Variants in PI4KA observed in about 807,000 individuals in gnomAD.
PI4KA encodes PI4-kinase alpha.
Under a neutral mutation model 271.4 loss-of-function variants are expected in PI4KA, and 122 were observed. That is an observed-to-expected ratio of 0.45 (90% CI 0.39 to 0.52). The LOEUF (loss-of-function observed/expected upper bound fraction) is 0.52, where lower values mean the gene tolerates loss of function less well. Ranked by LOEUF, PI4KA falls within the 20% of genes least tolerant of loss-of-function variation. The pLI is 0.00. For synonymous variants in PI4KA, 1,041 were observed against 1,078.8 expected, an observed-to-expected ratio of 0.96 and a Z score of 0.69; for missense variants, 1,969 against 2,769.1, an observed-to-expected ratio of 0.71 and a Z score of 6.48.
intron 2 of PI4KA, among the ~76,000 whole-genome samples, chr22:20,835,584 T>C (rs918627719): frequency 6.6e-6 from 1 of 151,986 alleles, no homozygotes; most frequent in Non-Finnish European, 1.5e-5. Context: ...ATACAAGTAT[T>C]AGCTGGGTGC....
intron 21 of PI4KA, 54 bp downstream of exon 21, chr22:20,765,046 G>T (rs1357208819): frequency 2.5e-5 from 39 of 1,585,590 alleles, no homozygotes; most frequent in Non-Finnish European, 3.4e-5. Context: ...ACAGTGAAAA[G>T]ATCTGCCCTA....
chr22:20,786,942 G>T, intron 19 of PI4KA: 1 of 1,614,130 alleles, frequency 6.2e-7, no homozygotes, highest in East Asian at 2.2e-5. Flanking sequence ...ACCACGGTGG[G>T]GTTCATGCCG....
intron 39 of PI4KA, among the ~76,000 whole-genome samples, chr22:20,728,494 T>A (rs190015007): frequency 1.3e-5 from 2 of 152,220 alleles, no homozygotes; most frequent in East Asian, 3.9e-4. Context: ...TACCATATCC[T>A]CTCCTGACTC....
At chr22:20,745,547 C>CA (rs1167307145) in intron 29 of PI4KA, among the ~76,000 whole-genome samples, 1 of 151,948 alleles carries the variant, frequency 6.6e-6, no homozygotes, top group Non-Finnish European at 1.5e-5. Flanking sequence ...TGGGGAACAT[C>CA]AAAATATAAA....
intron 3 of PI4KA, among the ~76,000 whole-genome samples, chr22:20,829,233 C>G (rs370703820): frequency 1.3e-5 from 2 of 152,090 alleles, no homozygotes; most frequent in East Asian, 3.9e-4. Context: ...AGGAGTGGTA[C>G]CAGCTCTTCT....
At chr22:20,720,683 A>G (rs147946465) in intron 43 of PI4KA, among the ~76,000 whole-genome samples, 2 of 152,366 alleles carry the variant, frequency 1.3e-5, no homozygotes, top group African/African-American at 4.8e-5. Flanking sequence ...ACACTGCAAC[A>G]GATCAACTGC....
intron 36 of PI4KA, among the ~76,000 whole-genome samples, chr22:20,731,619 C>A (rs1213830547): frequency 1.3e-5 from 2 of 152,108 alleles, no homozygotes; most frequent in Non-Finnish European, 2.9e-5. Context: ...TATGGTGAAG[C>A]CCTGTCTCTA....
chr22:20,821,957 C>A (rs1460252593), intron 4 of PI4KA, among the ~76,000 whole-genome samples: 1 of 152,194 alleles, frequency 6.6e-6, no homozygotes, highest in East Asian at 1.9e-4. Context: ...TCAGACCTGC[C>A]TGGGCAAAGT....
chr22:20,820,614 G>A lies in PI4KA; in HGVS notation c.457-3C>T, dbSNP rs201732219. The A allele has an allele frequency of 1.3e-6, 2 of 1,590,568 alleles. No homozygotes were observed. Among genetic ancestry groups the A allele is most frequent in the African/African-American group, 1.4e-5 (1 of 73,708 alleles). ...ACCTGCAAAAGCACCTCTAAAATCT[G>A]TAACAGTCAAGGAAACAAGAAAAAA... On this transcript the variant is annotated splice_polypyrimidine_tract_variant and splice_region_variant and intron_variant, in intron 4 of 54. Coordinates refer to ENST00000255882, the MANE Select transcript of PI4KA (RefSeq NM_058004.4).
intron 1 of PI4KA, among the ~76,000 whole-genome samples, chr22:20,846,912 C>G (rs1006541579): frequency 4.0e-5 from 6 of 150,822 alleles, no homozygotes; most frequent in African/African-American, 1.5e-4. Context: ...CTTTGGGAAG[C>G]CGAAGTGGGT....
At chr22:20,721,225 T>C in intron 43 of PI4KA, 73 bp downstream of exon 43, 2 of 1,541,398 alleles carry the variant, frequency 1.3e-6, no homozygotes, top group South Asian at 2.3e-5. Context: ...GCGAGAGCCC[T>C]GGGGGCTGTA....
intron 54 of PI4KA, among the ~76,000 whole-genome samples, chr22:20,708,408 C>T (rs1332422721): frequency 1.3e-5 from 2 of 151,358 alleles, no homozygotes; most frequent in Non-Finnish European, 2.9e-5. Context: ...ACGCTCTCCT[C>T]GCACCTCTGG....
chr22:20,834,794 C>T (rs1924649662), intron 2 of PI4KA, 139 bp from the exon 3 acceptor site: 1 of 616,806 alleles, frequency 1.6e-6, no homozygotes, highest in South Asian at 2.0e-5. Flanking sequence ...ATGTAAAGTG[C>T]ATGTAAATTC....
intron 10 of PI4KA, among the ~76,000 whole-genome samples, chr22:20,806,801 G>A (rs533364727): frequency 2.0e-5 from 3 of 151,966 alleles, no homozygotes; most frequent in African/African-American, 7.2e-5. Flanking sequence ...CACGATCTGG[G>A]CTCACTGCAA....
chr22:20,711,368 C>A lies in PI4KA; in HGVS notation c.5896G>T (p.Asp1966Tyr), dbSNP rs1367144383. The A allele has an allele frequency of 1.4e-6, 2 of 1,391,614 alleles. 1 individual carries two copies. The allele number at this position is 1,391,614 out of a possible 1,614,324, so 86.2% of individuals were successfully genotyped here. A position where few individuals can be genotyped will look rare whatever the true frequency, so the allele number is the denominator to read the frequency against. Residue 1966 changes from aspartate (D) to tyrosine (Y), a missense_variant, in exon 51 of 55, where the codon GAC (aspartate) becomes TAC (tyrosine). Asp to Tyr is a radical substitution (Grantham distance 160). Transcript: ENST00000255882. ...ATGTGGATGATATGACCCTTCTTGT[C>A]CAGCATAATGTTGCCGTTGTGTCTG... ...KDRHNGNIML[D>Y]KKGHIIHIDF...
intron 43 of PI4KA, among the ~76,000 whole-genome samples, chr22:20,719,058 C>T (rs557252247): frequency 9.2e-5 from 14 of 152,214 alleles, no homozygotes; most frequent in African/African-American, 3.4e-4. Context: ...CACAAGTGGA[C>T]GTGGAATCCT....
chr22:20,804,189 C>A, intron 12 of PI4KA, 111 bp downstream of exon 12: 5 of 736,000 alleles, frequency 6.8e-6, no homozygotes, highest in Non-Finnish European at 1.2e-5. Context: ...AAGACAGAAC[C>A]GGCAGGGTCT....
At chr22:20,837,312 G>C (rs1175320311) in intron 2 of PI4KA, among the ~76,000 whole-genome samples, 1 of 152,194 alleles carries the variant, frequency 6.6e-6, no homozygotes, top group East Asian at 1.9e-4. Flanking sequence ...AGGAGTTCAA[G>C]GCTGCATTAA....
At chr22:20,828,524 G>A (rs1401574362) in intron 3 of PI4KA, among the ~76,000 whole-genome samples, 1 of 152,036 alleles carries the variant, frequency 6.6e-6, no homozygotes, top group African/African-American at 2.4e-5. Context: ...TTTGAAGTAT[G>A]TTCCTTCAAT....
Sources: allele counts gnomAD v4.1 joint callset (sites outside exome capture counted in the v4.1 genomes callset), GRCh38; gene constraint gnomAD v4.1.1; transcripts MANE v1.5; gene names NCBI Gene and HGNC (gene_info 2026-07-23, HGNC 2026-07-21).